Variants in LRP1B observed in about 807,000 individuals in gnomAD.
LRP1B encodes the protein LDL receptor related protein 1B.
In LRP1B, 217 loss-of-function variants were observed where a neutral mutation model predicts 556.6. The ratio of observed to expected loss-of-function variants is 0.39; its 90% CI spans 0.35 to 0.44. The LOEUF is 0.44. Ranked by LOEUF, LRP1B falls within the 20% of genes least tolerant of loss-of-function variation. LRP1B has a pLI of 1.00. For synonymous variants in LRP1B, 2,047 were observed against 1,865.8 expected (o/e 1.10, Z -2.50); for missense variants, 5,053 against 5,620.8 (o/e 0.90, Z 3.23).
intron 1 of LRP1B, among the ~76,000 whole-genome samples, chr2:141,972,443 G>GAAGTTTCT (rs1247145929): frequency 1.3e-5 from 2 of 151,364 alleles, no homozygotes; most frequent in African/African-American, 4.8e-5. Flanking sequence ...ATCTATTACT[G>GAAGTTTCT]AAGTTTCTAA....
At chr2:141,439,812 GT>G (rs1253937571) in intron 3 of LRP1B, among the ~76,000 whole-genome samples, 2 of 152,166 alleles carry the variant, frequency 1.3e-5, no homozygotes, top group Non-Finnish European at 2.9e-5. Context: ...AATTAAAGAT[GT>G]TTTTTTAAAA....
At position 140,716,715 on chromosome 2, in the gene LRP1B, T is replaced by C; in HGVS notation, c.5860A>G (p.Arg1954Gly). 1 of 1,612,318 alleles carries C rather than the reference T, an allele frequency of 6.2e-7. No homozygotes were observed. The highest frequency in any genetic ancestry group is 1.7e-5 in the Admixed American group (1 of 59,900). Residue 1954 changes from arginine (R) to glycine (G), a missense_variant, in exon 36 of 91, where the codon AGA becomes GGA. By Grantham distance (125) the Arg-to-Gly change is moderately radical (BLOSUM62 -2). Transcript: ENST00000389484. ...CAGTCAACAGCTATCCCTTCCACTC[T>C]TCCCAAGCCATTGGTAATGATATCT... ...KEDIITNGLG[R>G]VEGIAVDWIA...
chr2:141,422,542 T>C (rs1680181961), intron 3 of LRP1B, among the ~76,000 whole-genome samples: 1 of 152,172 alleles, frequency 6.6e-6, no homozygotes, highest in Non-Finnish European at 1.5e-5. Flanking sequence ...AGAAGACTGA[T>C]GAAAAATGAA....
intron 60 of LRP1B, among the ~76,000 whole-genome samples, chr2:140,460,846 G>C (rs1326496792): frequency 6.6e-6 from 1 of 152,062 alleles, no homozygotes; most frequent in Non-Finnish European, 1.5e-5. Flanking sequence ...TCTTTCAGAA[G>C]AAAAGGGTTG....
intron 35 of LRP1B, among the ~76,000 whole-genome samples, chr2:140,752,504 T>C (rs1190949309): frequency 6.6e-6 from 1 of 151,976 alleles, no homozygotes; most frequent in East Asian, 2.0e-4. Flanking sequence ...TTTGTATTTT[T>C]AGTAGAGACA....
chr2:141,226,418 G>T (rs1185765926), intron 6 of LRP1B, among the ~76,000 whole-genome samples: 1 of 152,016 alleles, frequency 6.6e-6, no homozygotes, highest in Non-Finnish European at 1.5e-5. Context: ...TTAAAATATT[G>T]CAATAAAATA....
At chr2:140,683,379 T>A in intron 41 of LRP1B, 2 of 507,934 alleles carry the variant, frequency 3.9e-6, no homozygotes, top group South Asian at 3.4e-5. Context: ...ATCATCAAAC[T>A]ATCCTGTTTC....
intron 1 of LRP1B, among the ~76,000 whole-genome samples, chr2:141,953,583 A>G (rs1482261723): frequency 6.6e-6 from 1 of 152,110 alleles, no homozygotes; most frequent in Non-Finnish European, 1.5e-5. Context: ...CAGGAAATGC[A>G]TATTAATTTT....
At chr2:140,340,410 A>G (rs560659139) in intron 77 of LRP1B, among the ~76,000 whole-genome samples, 2 of 151,684 alleles carry the variant, frequency 1.3e-5, no homozygotes, top group Admixed American at 1.3e-4. Flanking sequence ...CCTTAAATAC[A>G]TATCTATGGT....
intron 41 of LRP1B, among the ~76,000 whole-genome samples, chr2:140,696,086 A>G (rs533315413): frequency 6.6e-6 from 1 of 152,328 alleles, no homozygotes; most frequent in Non-Finnish European, 1.5e-5. Context: ...ATACTTAAAA[A>G]CATGAAAATA....
intron 1 of LRP1B, among the ~76,000 whole-genome samples, chr2:141,983,618 T>C (rs143202918): frequency 1.3e-4 from 20 of 152,306 alleles, no homozygotes; most frequent in Non-Finnish European, 1.0e-4. Context: ...CATCTTTCTT[T>C]TCAAAAATAG....
At position 141,811,192 on chromosome 2, in the gene LRP1B, A is replaced by C. The variant is rs771433144; in HGVS notation, c.83-791T>G. Among the ~76,000 whole-genome samples the C allele has an allele frequency of 3.9e-5, 6 of 152,164 alleles. 1 individual carries two copies. Among genetic ancestry groups the C allele is most frequent in the Middle Eastern group, 3.4e-3 (1 of 294 alleles). On this transcript the variant is annotated intron_variant, in intron 1 of 90. Transcript: ENST00000389484. ...CCTTTACAAACTAATTATTCTTTAC[A>C]TCTTAATATGTCTGAAATAGGAATG...
At chr2:141,406,543 CT>C (rs1371234513) in intron 3 of LRP1B, among the ~76,000 whole-genome samples, 4 of 135,422 alleles carry the variant, frequency 3.0e-5, no homozygotes, top group Admixed American at 7.9e-5. Context: ...GAGTATCTAT[CT>C]ATCATCTATC....
chr2:140,568,891 C>T (rs1472672280), intron 43 of LRP1B, among the ~76,000 whole-genome samples: 3 of 151,904 alleles, frequency 2.0e-5, no homozygotes, highest in Non-Finnish European at 4.4e-5. Flanking sequence ...CCAAGAAAAG[C>T]TAACCTTTAG....
chr2:140,974,747 C>T (rs1558775443), intron 18 of LRP1B, among the ~76,000 whole-genome samples: 1 of 152,192 alleles, frequency 6.6e-6, no homozygotes, highest in Non-Finnish European at 1.5e-5. Flanking sequence ...CACCAAGTAT[C>T]CCCACGTTCT....
chr2:140,676,559 G>T (rs1685678635), intron 41 of LRP1B, among the ~76,000 whole-genome samples: 1 of 152,044 alleles, frequency 6.6e-6, no homozygotes, highest in African/African-American at 2.4e-5. Context: ...CACAAAATAA[G>T]TTTGCTGCTT....
intron 1 of LRP1B, among the ~76,000 whole-genome samples, chr2:141,850,687 C>A (rs1055599223): frequency 1.3e-5 from 2 of 149,498 alleles, no homozygotes; most frequent in Non-Finnish European, 3.0e-5. Context: ...CCTCAAAATT[C>A]TCATTCCTGG....
intron 3 of LRP1B, among the ~76,000 whole-genome samples, chr2:141,276,936 G>A (rs1052035665): frequency 6.6e-5 from 10 of 152,068 alleles, no homozygotes; most frequent in Admixed American, 3.9e-4. Context: ...GATTACAGGC[G>A]CGAGACACCG....
At chr2:141,881,929 CT>C (rs1312763120) in intron 1 of LRP1B, among the ~76,000 whole-genome samples, 3 of 151,982 alleles carry the variant, frequency 2.0e-5, no homozygotes, top group Non-Finnish European at 4.4e-5. Flanking sequence ...ATTCAAGGAA[CT>C]TTTTTTCTTA....
Sources: gnomAD v4.1 joint callset for allele counts (sites outside exome capture counted in the v4.1 genomes callset) on GRCh38, gnomAD v4.1.1 for gene constraint, MANE v1.5 for transcripts, NCBI Gene and HGNC (gene_info 2026-07-23, HGNC 2026-07-21) for gene names.